DIS3L2: variants seen among roughly 807,000 people sequenced by gnomAD.
DIS3L2 encodes DIS3 like 3'-5' exoribonuclease 2.
A neutral mutation model predicts 97.5 loss-of-function variants in DIS3L2; 34 were observed. That is an observed-to-expected ratio of 0.35 (90% confidence interval 0.27 to 0.46). The LOEUF is 0.46. Among genes scored for constraint, DIS3L2 ranks in the 20% least tolerant of loss-of-function variants. The pLI, the probability that DIS3L2 is intolerant of heterozygous loss-of-function variation, is 1.00. For synonymous variants in DIS3L2, 435 were observed against 445.2 expected (o/e 0.98, Z 0.29); for missense variants, 1,038 against 1,146.0 (o/e 0.91, Z 1.36).
At chr2:232,237,559 C>T (rs1220272655) in intron 10 of DIS3L2, among the ~76,000 whole-genome samples, 1 of 152,000 alleles carries the variant, frequency 6.6e-6, no homozygotes, top group African/African-American at 2.4e-5. Flanking sequence ...AGACAGATAA[C>T]AAACACACAA....
chr2:232,066,592 T>A (rs1170842262), intron 5 of DIS3L2, among the ~76,000 whole-genome samples: 1 of 152,012 alleles, frequency 6.6e-6, no homozygotes, highest in Non-Finnish European at 1.5e-5. Context: ...TAAAGTGAGT[T>A]GGGAAATGTT....
In DIS3L2 at chr2:232,237,151, TTGTA is replaced by T. The variant is rs1692955088; in HGVS notation, c.1205-1374_1205-1371del. Among the ~76,000 whole-genome samples the T allele has an allele frequency of 5.3e-5, 8 of 152,364 alleles. No homozygotes were observed. In the South Asian group the frequency reaches 1.7e-3, roughly 32 times the overall value. On this transcript the variant is annotated intron_variant, in intron 10 of 20. Coordinates refer to ENST00000325385, the MANE Select transcript of DIS3L2 (RefSeq NM_152383.5). ...TATGTATGTACGTATGTATATACTC[TTGTA>T]TGTATGTGTATATTTTTATTTTCAC...
Position 232,281,170 on chromosome 2 carries a change from C to T in DIS3L2, c.1659+17730C>T, listed in dbSNP as rs11686343. 2.9e-3 allele frequency among the ~76,000 whole-genome samples: 435 copies of T among 152,202 alleles called. 1 individual carries two copies. Among genetic ancestry groups the T allele is most frequent in the Non-Finnish European group, 4.7e-3 (317 of 68,006 alleles). ...AACCCAGCACTTTGGGAGGCCGAGG[C>T]GGGTGGATCACAAGGTCAGGAGATC... On this transcript the variant is annotated intron_variant, in intron 13 of 20. Transcript: ENST00000325385. This position sits in a 1 kb window ranked among gnomAD's most constrained non-coding sequence, Gnocchi z 4.1.
chr2:232,303,584 A>G (rs1014329970), intron 14 of DIS3L2, among the ~76,000 whole-genome samples: 9 of 152,372 alleles, frequency 5.9e-5, no homozygotes, highest in Middle Eastern at 3.4e-3. Context: ...GCCAAATTCA[A>G]TCCATCAGCA....
chr2:232,200,976 T>C (rs2106207029), intron 9 of DIS3L2, among the ~76,000 whole-genome samples: 1 of 152,256 alleles, frequency 6.6e-6, no homozygotes, highest in African/African-American at 2.4e-5. Context: ...AGTTTCACCA[T>C]GTTGGCCAGG....
At chr2:232,086,663 GTGTGTGTGTGTGTGTA>G (rs1696657085) in intron 5 of DIS3L2, among the ~76,000 whole-genome samples, 3 of 32,694 alleles carry the variant, frequency 9.2e-5, no homozygotes, top group Non-Finnish European at 1.4e-4. Flanking sequence ...ATATATATGT[GTGTGTGTGTGTGTGTA>G]TATATATATT....
At chr2:232,249,443 G>T in intron 12 of DIS3L2, 97 bp downstream of exon 12, 1 of 1,295,738 alleles carries the variant, frequency 7.7e-7, no homozygotes, top group South Asian at 1.3e-5. Flanking sequence ...TGGGTGCCAT[G>T]GTGGTAAGAC....
At chr2:232,040,001 T>G (rs1695064779) in intron 5 of DIS3L2, among the ~76,000 whole-genome samples, 3 of 152,192 alleles carry the variant, frequency 2.0e-5, no homozygotes, top group Non-Finnish European at 4.4e-5. Context: ...GCTTTGCGCT[T>G]AAGGAGTTCA....
At chr2:231,977,242 G>A (rs1292829095) in intron 1 of DIS3L2, among the ~76,000 whole-genome samples, 1 of 149,116 alleles carries the variant, frequency 6.7e-6, no homozygotes, top group Non-Finnish European at 1.5e-5. Flanking sequence ...GTTGAGGACC[G>A]TCTGTCTGTA....
At chr2:232,208,181 C>T (rs533210381) in intron 9 of DIS3L2, among the ~76,000 whole-genome samples, 63 of 152,296 alleles carry the variant, frequency 4.1e-4, no homozygotes, top group African/African-American at 1.4e-3. Flanking sequence ...CTGCTGCCCC[C>T]GCACAAGCGT....
chr2:232,165,887 A>C (rs940677276), intron 9 of DIS3L2, among the ~76,000 whole-genome samples: 2 of 152,102 alleles, frequency 1.3e-5, no homozygotes, highest in South Asian at 4.1e-4. Context: ...AAAGTCACAA[A>C]ATAGAAGTAT....
intron 1 of DIS3L2, among the ~76,000 whole-genome samples, chr2:231,972,141 C>T (rs147223392): frequency 0.12 from 18,697 of 151,360 alleles, 2,782 homozygotes; most frequent in African/African-American, 0.36. Context: ...GCCGAGATCG[C>T]GCCACTGCAC....
chr2:232,333,230 T>G (rs190812073), intron 16 of DIS3L2, among the ~76,000 whole-genome samples: 2,867 of 52,310 alleles, frequency 0.055, 124 homozygotes, highest in Admixed American at 0.14. Context: ...CGCTGTCGCC[T>G]CCTCCTCCTC....
intron 1 of DIS3L2, chr2:231,978,700 T>G (rs1693165981): frequency 6.6e-6 from 1 of 152,184 alleles, no homozygotes; most frequent in Non-Finnish European, 1.5e-5. Context: ...GGGTGTTAGC[T>G]TTTTCCTCTT....
At chr2:232,170,813 G>A (rs1014345912) in intron 9 of DIS3L2, among the ~76,000 whole-genome samples, 12 of 152,272 alleles carry the variant, frequency 7.9e-5, no homozygotes, top group African/African-American at 2.6e-4. Context: ...AAATCTTCAA[G>A]ATGGAGCTGT....
intron 9 of DIS3L2, among the ~76,000 whole-genome samples, chr2:232,176,992 T>A (rs1364924071): frequency 7.1e-6 from 1 of 141,032 alleles, no homozygotes; most frequent in East Asian, 2.1e-4. Flanking sequence ...AGTGTGATAT[T>A]CCCCTTCCTG....
chr2:232,054,665 T>C (rs1185063205), intron 5 of DIS3L2, among the ~76,000 whole-genome samples: 2 of 152,196 alleles, frequency 1.3e-5, no homozygotes, highest in East Asian at 3.8e-4. Flanking sequence ...CAGTGTCAAA[T>C]GGCTTTACAA....
chr2:232,089,313 C>A (rs893766100), intron 6 of DIS3L2, among the ~76,000 whole-genome samples: 1 of 152,160 alleles, frequency 6.6e-6, no homozygotes, highest in East Asian at 1.9e-4. Context: ...CTTCAGGGTA[C>A]CCAGGTTCCT....
chr2:232,239,725 C>T (rs1693027813), intron 11 of DIS3L2, among the ~76,000 whole-genome samples: 1 of 152,204 alleles, frequency 6.6e-6, no homozygotes, highest in Admixed American at 6.5e-5. Context: ...AATTTCTGGG[C>T]TCCACTTCTA....
Sources: gnomAD v4.1 joint callset for allele counts (sites outside exome capture counted in the v4.1 genomes callset) on GRCh38, gnomAD v4.1.1 for gene constraint, Gnocchi (gnomAD v3.1) non-coding constraint, MANE v1.5 for transcripts, NCBI Gene and HGNC (gene_info 2026-07-23, HGNC 2026-07-21) for gene names.